Variants in PRKG1 observed in about 807,000 individuals in gnomAD.
PRKG1 encodes the protein protein kinase cGMP-dependent 1.
A neutral mutation model predicts 88.1 loss-of-function variants in PRKG1; 35 were observed. The ratio of observed to expected loss-of-function variants is 0.40; its 90% confidence interval spans 0.30 to 0.53. The LOEUF (loss-of-function observed/expected upper bound fraction) is 0.53, where lower values mean the gene tolerates loss of function less well. Among genes scored for constraint, PRKG1 ranks in the 20% least tolerant of loss-of-function variants. The pLI is 0.59. For synonymous variants in PRKG1, 303 were observed against 292.5 expected (o/e 1.04, Z -0.37); for missense variants, 540 against 839.8 (o/e 0.64, Z 4.41).
intron 1 of PRKG1, chr10:51,148,216 A>G (rs1845985813): frequency 1.7e-5 from 17 of 984,392 alleles, no homozygotes; most frequent in Non-Finnish European, 2.1e-5. Flanking sequence ...CTCAATGAAG[A>G]CTTGGATGTC....
intron 4 of PRKG1, among the ~76,000 whole-genome samples, chr10:51,866,886 C>T (rs1214588178): frequency 6.6e-6 from 1 of 152,090 alleles, no homozygotes; most frequent in African/African-American, 2.4e-5. Flanking sequence ...TGGCATTTTT[C>T]CTTAAGGAAC....
intron 5 of PRKG1, among the ~76,000 whole-genome samples, chr10:51,943,639 A>G (rs1407928017): frequency 6.6e-6 from 1 of 151,988 alleles, no homozygotes; most frequent in Non-Finnish European, 1.5e-5. Flanking sequence ...TCAATACCTA[A>G]TTTATTGAGA....
At chr10:52,086,380 T>C (rs967787742) in intron 7 of PRKG1, among the ~76,000 whole-genome samples, 8 of 150,628 alleles carry the variant, frequency 5.3e-5, no homozygotes, top group Non-Finnish European at 8.8e-5. Flanking sequence ...CAGTATATTT[T>C]AGAAATTATA....
chr10:51,820,740 T>C (rs542526018), intron 4 of PRKG1, among the ~76,000 whole-genome samples: 266 of 152,354 alleles, frequency 1.7e-3, no homozygotes, highest in Non-Finnish European at 2.8e-3. Context: ...TTAAGCCTAC[T>C]GTACGCACTG....
At chr10:51,472,806 A>G (rs1030066548) in intron 3 of PRKG1, among the ~76,000 whole-genome samples, 2 of 151,954 alleles carry the variant, frequency 1.3e-5, no homozygotes, top group East Asian at 3.8e-4. Context: ...CTATAGCAAA[A>G]GAGCAGAAGA....
chr10:51,253,668 T>C (rs547936310), intron 2 of PRKG1, among the ~76,000 whole-genome samples: 16 of 151,952 alleles, frequency 1.1e-4, no homozygotes, highest in Non-Finnish European at 1.8e-4. Context: ...TTGTACTTCA[T>C]GTTCACTTTG....
intron 9 of PRKG1, among the ~76,000 whole-genome samples, chr10:52,234,335 G>T (rs1840618204): frequency 6.6e-6 from 1 of 152,212 alleles, no homozygotes; most frequent in Non-Finnish European, 1.5e-5. Context: ...GATGAGCTGA[G>T]AGAAGAAGGC....
intron 7 of PRKG1, among the ~76,000 whole-genome samples, chr10:52,065,560 A>G (rs1564453927): frequency 6.6e-6 from 1 of 152,136 alleles, no homozygotes; most frequent in Admixed American, 6.6e-5. Context: ...ATTCTGATAA[A>G]TCATCTTACT....
chr10:51,815,123 A>G (rs1000945155), intron 4 of PRKG1, among the ~76,000 whole-genome samples: 2 of 152,160 alleles, frequency 1.3e-5, no homozygotes, highest in South Asian at 4.1e-4. Flanking sequence ...CACTATCTCC[A>G]TAAGAATACT....
chr10:52,274,546 CAT>C (rs201817726), intron 12 of PRKG1, among the ~76,000 whole-genome samples: 2 of 150,508 alleles, frequency 1.3e-5, no homozygotes, highest in Non-Finnish European at 2.9e-5. Context: ...CACACACACA[CAT>C]GCCATCATAT....
Position 52,280,913 on chromosome 10 carries a change from C to T in PRKG1, c.1528C>T (p.Arg510Ter), listed in dbSNP as rs1564544146. The T allele has an allele frequency of 3.1e-6, 5 of 1,613,162 alleles. No individual in the cohort carries two copies. The highest frequency in any genetic ancestry group is 4.2e-6 in the Non-Finnish European group (5 of 1,179,510). Residue 510 changes from arginine to a stop codon, truncating the protein, a stop_gained, in exon 13 of 18, where the codon CGA becomes TGA. Transcript: ENST00000373980. LOFTEE classifies it high-confidence loss of function. ...LKPENLILDH[R>*]GYAKLVDFGF... ...GCCAGAAAATCTCATCCTAGATCAC[C>T]GAGGTTATGCCAAACTGGTCAGTGC...
At chr10:52,270,372 A>G (rs1841688125) in intron 10 of PRKG1, among the ~76,000 whole-genome samples, 3 of 152,146 alleles carry the variant, frequency 2.0e-5, no homozygotes, top group South Asian at 4.1e-4. Context: ...ATTACTGGGT[A>G]TATACCTAAA....
At chr10:51,249,130 T>G (rs1345256956) in intron 2 of PRKG1, among the ~76,000 whole-genome samples, 1 of 151,718 alleles carries the variant, frequency 6.6e-6, no homozygotes, top group Non-Finnish European at 1.5e-5. Flanking sequence ...TGTATTAAAA[T>G]AGCAGCCATG....
At chr10:51,222,267 T>C (rs1184198485) in intron 2 of PRKG1, among the ~76,000 whole-genome samples, 2 of 152,278 alleles carry the variant, frequency 1.3e-5, no homozygotes, top group Admixed American at 6.5e-5. Flanking sequence ...TTGTCTACTC[T>C]AAGACCAAAG....
At chr10:51,822,030 G>A (rs921104644) in intron 4 of PRKG1, among the ~76,000 whole-genome samples, 1 of 152,118 alleles carries the variant, frequency 6.6e-6, no homozygotes, top group East Asian at 1.9e-4. Context: ...ATTCACAATA[G>A]ACAGGGCATG....
chr10:51,014,826 A>C (rs1843037579), intron 1 of PRKG1, among the ~76,000 whole-genome samples: 1 of 152,196 alleles, frequency 6.6e-6, no homozygotes. Context: ...GTGACCTCAC[A>C]CTTACTTGTT....
chr10:51,730,380 A>G (rs1842243395), intron 3 of PRKG1, among the ~76,000 whole-genome samples: 1 of 152,258 alleles, frequency 6.6e-6, no homozygotes, highest in Non-Finnish European at 1.5e-5. Flanking sequence ...TTGAAAATGT[A>G]GTTTGACTGA....
intron 5 of PRKG1, among the ~76,000 whole-genome samples, chr10:51,993,730 A>T (rs1333666404): frequency 1.3e-5 from 2 of 152,240 alleles, no homozygotes; most frequent in Admixed American, 6.5e-5. Context: ...GTAGAAGGTT[A>T]TAAGCATCCT....
At chr10:51,736,395 C>T (rs959195171) in intron 3 of PRKG1, among the ~76,000 whole-genome samples, 1 of 152,116 alleles carries the variant, frequency 6.6e-6, no homozygotes, top group Non-Finnish European at 1.5e-5. Context: ...GGATCACAGG[C>T]GTGAGCCACT....
Sources: gnomAD v4.1 joint callset for allele counts (sites outside exome capture counted in the v4.1 genomes callset) on GRCh38, gnomAD v4.1.1 for gene constraint, MANE v1.5 for transcripts, NCBI Gene and HGNC (gene_info 2026-07-23, HGNC 2026-07-21) for gene names.